Variants in CDH13 observed in about 807,000 individuals in gnomAD.
The protein encoded by CDH13 is cadherin-13.
CDH13 carries 24 observed loss-of-function variants against 63.8 expected under a neutral mutation model. That is an observed-to-expected ratio of 0.38 (90% confidence interval 0.27 to 0.53). The LOEUF is 0.53. CDH13 is among the 20% of genes least tolerant of loss of function. The pLI, the probability that CDH13 is intolerant of heterozygous loss-of-function variation, is 0.85. For missense variants in CDH13, 1,049 were observed against 903.1 expected (o/e 1.16, Z -2.07); for synonymous variants, 503 against 355.3 (o/e 1.42, Z -4.67).
intron 2 of CDH13, among the ~76,000 whole-genome samples, chr16:82,957,526 A>G (rs1906296231): frequency 6.6e-6 from 1 of 152,192 alleles, no homozygotes; most frequent in African/African-American, 2.4e-5. Context: ...TAGAGAAGTC[A>G]GGTGCCTCCC....
At chr16:83,101,003 G>A (rs1048587067) in intron 3 of CDH13, among the ~76,000 whole-genome samples, 4 of 152,038 alleles carry the variant, frequency 2.6e-5, no homozygotes, top group Non-Finnish European at 5.9e-5. Flanking sequence ...ATATGATTCA[G>A]ATCCTTTATA....
At chr16:83,039,984 G>T (rs1337575713) in intron 3 of CDH13, among the ~76,000 whole-genome samples, 2 of 151,696 alleles carry the variant, frequency 1.3e-5, no homozygotes, top group Non-Finnish European at 2.9e-5. Context: ...GTAGACACCT[G>T]CCTGGCTCTC....
chr16:83,174,153 C>T (rs551578796), intron 4 of CDH13, among the ~76,000 whole-genome samples: 35 of 152,120 alleles, frequency 2.3e-4, no homozygotes, highest in African/African-American at 7.2e-4. Context: ...GAGTTGAGGG[C>T]TTATCAAGCT....
intron 4 of CDH13, among the ~76,000 whole-genome samples, chr16:83,156,735 C>T (rs112478181): frequency 2.6e-5 from 4 of 152,248 alleles, no homozygotes; most frequent in African/African-American, 9.6e-5. Context: ...CTGAAGGACC[C>T]TCCCCCAGCC....
chr16:82,690,708 T>C (rs545054041), intron 1 of CDH13, among the ~76,000 whole-genome samples: 46 of 152,354 alleles, frequency 3.0e-4, no homozygotes, highest in African/African-American at 1.1e-3. Context: ...CCACCGTTGT[T>C]CATGAATAAA....
intron 6 of CDH13, among the ~76,000 whole-genome samples, chr16:83,411,122 C>T (rs12921805): frequency 6.6e-6 from 1 of 152,122 alleles, no homozygotes; most frequent in Non-Finnish European, 1.5e-5. Flanking sequence ...AGGGTTCTTT[C>T]TATGGCTTAA....
intron 7 of CDH13, among the ~76,000 whole-genome samples, chr16:83,574,362 T>C (rs1435578165): frequency 1.3e-5 from 2 of 152,188 alleles, no homozygotes; most frequent in Admixed American, 6.5e-5. Context: ...CACGTTTGAC[T>C]ACCTAGCTCC....
chr16:83,195,609 C>T (rs184958052), intron 4 of CDH13, among the ~76,000 whole-genome samples: 13 of 152,194 alleles, frequency 8.5e-5, no homozygotes, highest in Admixed American at 3.9e-4. Context: ...GGAAACCCCC[C>T]GCCGTGATCC....
rs577785740 is a variant in CDH13, at chr16:82,959,549, C to A, written c.158-72461C>A. ...TTTCAAAGCCACAAAAGTTGGATCT[C>A]TCCAGCCATTTTCTGAGTAGTTACA... On this transcript the variant is annotated intron_variant, in intron 2 of 13. Transcript: ENST00000567109. 2.0e-5 allele frequency among the ~76,000 whole-genome samples: 3 copies of A among 152,278 alleles called. No individual in the cohort carries two copies. The East Asian group carries it at 5.8e-4, about 29-fold the overall frequency.
At chr16:83,685,878 G>C (rs910721567) in intron 10 of CDH13, among the ~76,000 whole-genome samples, 1 of 152,136 alleles carries the variant, frequency 6.6e-6, no homozygotes, top group Non-Finnish European at 1.5e-5. Context: ...GACCAAACTA[G>C]GCCAAGATTT....
chr16:82,729,156 A>G (rs2033263987), intron 1 of CDH13, among the ~76,000 whole-genome samples: 1 of 152,154 alleles, frequency 6.6e-6, no homozygotes, highest in African/African-American at 2.4e-5. Flanking sequence ...GCTAGAATCA[A>G]CTTCTTCCAA....
chr16:82,739,475 AG>A (rs1416389958), intron 1 of CDH13, among the ~76,000 whole-genome samples: 1 of 152,224 alleles, frequency 6.6e-6, no homozygotes, highest in Admixed American at 6.5e-5. Flanking sequence ...GTAAATTTTA[AG>A]AGTGAGAGAA....
chr16:83,275,068 A>AG, intron 5 of CDH13, among the ~76,000 whole-genome samples: 1 of 152,224 alleles, frequency 6.6e-6, no homozygotes, highest in African/African-American at 2.4e-5. Flanking sequence ...ATTATACATG[A>AG]GGGCAGGGAT....
intron 6 of CDH13, among the ~76,000 whole-genome samples, chr16:83,383,566 C>T (rs1448167946): frequency 1.3e-5 from 2 of 152,248 alleles, no homozygotes; most frequent in Middle Eastern, 3.4e-3. Context: ...TCCTCTTCTC[C>T]CATTAGTATA....
chr16:83,266,559 T>C (rs1042040140), intron 5 of CDH13, among the ~76,000 whole-genome samples: 1 of 152,190 alleles, frequency 6.6e-6, no homozygotes, highest in African/African-American at 2.4e-5. Flanking sequence ...CTAACACAGA[T>C]AAAGTCTTCT....
chr16:83,192,880 T>G (rs997576197), intron 4 of CDH13, among the ~76,000 whole-genome samples: 11 of 152,162 alleles, frequency 7.2e-5, no homozygotes, highest in Non-Finnish European at 1.6e-4. Context: ...GAAGGTCTGA[T>G]TTTCTTTGCA....
intron 1 of CDH13, among the ~76,000 whole-genome samples, chr16:82,672,999 C>CTTTTTTTTT (rs562942948): frequency 0.27 from 21,665 of 80,436 alleles, 5,829 homozygotes; most frequent in Non-Finnish European, 0.36. Flanking sequence ...ATAAAGTTTT[C>CTTTTTTTTT]TTTTTTTTTT....
At chr16:83,741,381 A>G (rs971630063) in intron 10 of CDH13, among the ~76,000 whole-genome samples, 3 of 152,002 alleles carry the variant, frequency 2.0e-5, no homozygotes, top group Non-Finnish European at 2.9e-5. Context: ...GGTTGTTTGT[A>G]TCCTTCAGCA....
Position 83,567,294 on chromosome 16 carries a change from C to T in CDH13, c.961-35160C>T, listed in dbSNP as rs1178967409. Among the ~76,000 whole-genome samples the T allele has an allele frequency of 3.9e-5, 6 of 152,300 alleles. No homozygotes were observed. In the South Asian group the frequency reaches 6.2e-4, roughly 16 times the overall value. On this transcript the variant is annotated intron_variant, in intron 7 of 13. Coordinates refer to ENST00000567109, the MANE Select transcript of CDH13 (RefSeq NM_001257.5). ...AGAAGAAAAGGCCATATCAATCTAACTTTGTATTCCTGGTTCTTGGCACAT... is the reference window on the plus strand; with the variant it reads ...AGAAGAAAAGGCCATATCAATCTAATTTTGTATTCCTGGTTCTTGGCACAT...
Sources: gnomAD v4.1 joint callset for allele counts (sites outside exome capture counted in the v4.1 genomes callset) on GRCh38, gnomAD v4.1.1 for gene constraint, MANE v1.5 for transcripts, NCBI Gene and HGNC (gene_info 2026-07-23, HGNC 2026-07-21) for gene names.